Variants in CTNNA3 observed in about 807,000 individuals in gnomAD.
CTNNA3 encodes the protein catenin alpha-3.
CTNNA3 carries 76 observed loss-of-function variants against 95.7 expected under a neutral mutation model. The ratio of observed to expected loss-of-function variants is 0.79; its 90% CI spans 0.66 to 0.96. The LOEUF is 0.96. CTNNA3 is among the 40% of genes least tolerant of loss of function. CTNNA3 has a pLI of 0.00. For missense variants in CTNNA3, 1,191 were observed against 1,089.8 expected, an observed-to-expected ratio of 1.09 and a Z score of -1.31; for synonymous variants, 431 against 374.4, an observed-to-expected ratio of 1.15 and a Z score of -1.74.
At chr10:66,848,406 G>A (rs1172571104) in intron 7 of CTNNA3, among the ~76,000 whole-genome samples, 1 of 152,104 alleles carries the variant, frequency 6.6e-6, no homozygotes, top group Non-Finnish European at 1.5e-5. Context: ...CCTCCCACTT[G>A]TCTGACAGTG....
At chr10:66,664,314 T>C (rs1846366948) in intron 9 of CTNNA3, among the ~76,000 whole-genome samples, 1 of 152,124 alleles carries the variant, frequency 6.6e-6, no homozygotes, top group South Asian at 2.1e-4. Context: ...CAATCAGATT[T>C]ATAGCACTAA....
chr10:66,440,380 GTA>G (rs2093367051), intron 11 of CTNNA3, among the ~76,000 whole-genome samples: 2 of 151,644 alleles, frequency 1.3e-5, no homozygotes, highest in Admixed American at 6.6e-5. Flanking sequence ...GTAATATTTT[GTA>G]TATAAAACCT....
At chr10:66,805,911 T>A (rs1171089962) in intron 7 of CTNNA3, among the ~76,000 whole-genome samples, 1 of 152,094 alleles carries the variant, frequency 6.6e-6, no homozygotes, top group African/African-American at 2.4e-5. Flanking sequence ...CAAGTTCCTG[T>A]GATACAAAAT....
intron 12 of CTNNA3, among the ~76,000 whole-genome samples, chr10:66,293,705 G>A (rs1390755730): frequency 1.5e-5 from 2 of 136,250 alleles, no homozygotes; most frequent in East Asian, 2.1e-4. Context: ...TTATTCTGTC[G>A]CCCAGGCTGG....
intron 1 of CTNNA3, among the ~76,000 whole-genome samples, chr10:67,671,085 T>C (rs1840423082): frequency 6.6e-6 from 1 of 152,188 alleles, no homozygotes; most frequent in Non-Finnish European, 1.5e-5. Context: ...CTCCCTTATC[T>C]TTCTCTGCTA....
At chr10:67,061,869 C>A (rs554927822) in intron 7 of CTNNA3, among the ~76,000 whole-genome samples, 1 of 152,182 alleles carries the variant, frequency 6.6e-6, no homozygotes, top group East Asian at 1.9e-4. Context: ...GATAAAGAAT[C>A]AAGTTATGTT....
At chr10:67,197,330 A>C (rs1414652095) in intron 6 of CTNNA3, among the ~76,000 whole-genome samples, 5 of 152,042 alleles carry the variant, frequency 3.3e-5, no homozygotes, top group African/African-American at 1.2e-4. Context: ...AAGTAATCCC[A>C]ATTGTGCTCT....
At chr10:66,263,160 T>C (rs771076889) in intron 13 of CTNNA3, among the ~76,000 whole-genome samples, 2 of 151,924 alleles carry the variant, frequency 1.3e-5, no homozygotes, top group African/African-American at 2.4e-5. Context: ...AAAGCCATCA[T>C]TGGGGGTAAC....
intron 9 of CTNNA3, among the ~76,000 whole-genome samples, chr10:66,726,346 G>T (rs563301282): frequency 6.6e-6 from 1 of 151,922 alleles, no homozygotes; most frequent in African/African-American, 2.4e-5. Context: ...CCAATATCTC[G>T]CCAACTTATT....
At position 67,219,744 on chromosome 10, in the gene CTNNA3, C is replaced by G. The variant is rs781528718; in HGVS notation, c.706G>C (p.Ala236Pro). ...LEHSDVASLKASKDTVCEEIQ... is the reference protein window; with the variant it reads ...LEHSDVASLKPSKDTVCEEIQ... ...TCTTCACAAACTGTGTCCTTGCTTG[C>G]TTTGAGGGAAGCAACATCAGAATGC... Residue 236 changes from alanine to proline, a missense_variant, in exon 6 of 18, where the codon GCA becomes CCA. Transcript: ENST00000433211. 1.2e-6 allele frequency: 2 copies of G among 1,614,034 alleles called. No individual in the cohort carries two copies. The highest frequency in any genetic ancestry group is 8.5e-7 in the Non-Finnish European group (1 of 1,180,000).
intron 11 of CTNNA3, among the ~76,000 whole-genome samples, chr10:66,479,971 C>CACACAA (rs1839461363): frequency 6.6e-6 from 1 of 151,808 alleles, no homozygotes; most frequent in South Asian, 2.1e-4. Flanking sequence ...CACACACACA[C>CACACAA]ACACACACCC....
At chr10:65,979,876 G>T (rs1237062284) in intron 16 of CTNNA3, among the ~76,000 whole-genome samples, 1 of 151,974 alleles carries the variant, frequency 6.6e-6, no homozygotes, top group Non-Finnish European at 1.5e-5. Context: ...AGAACTTTCT[G>T]TGCATTTATT....
chr10:67,009,503 CAT>C (rs1373938805), intron 7 of CTNNA3, among the ~76,000 whole-genome samples: 1 of 151,842 alleles, frequency 6.6e-6, no homozygotes. Context: ...CTTTGATTCT[CAT>C]AGATATTTTT....
At chr10:67,027,954 T>A (rs1853492587) in intron 7 of CTNNA3, among the ~76,000 whole-genome samples, 1 of 152,192 alleles carries the variant, frequency 6.6e-6, no homozygotes, top group African/African-American at 2.4e-5. Context: ...AAAATCTCCA[T>A]CTGTTTTCTC....
intron 1 of CTNNA3, among the ~76,000 whole-genome samples, chr10:67,683,499 C>G (rs535430337): frequency 2.6e-4 from 39 of 152,318 alleles, no homozygotes; most frequent in Admixed American, 9.8e-4. Context: ...TCTGTGGGCT[C>G]CTCAATGAGC....
intron 12 of CTNNA3, among the ~76,000 whole-genome samples, chr10:66,367,842 G>T (rs1178108856): frequency 7.0e-6 from 1 of 142,928 alleles, no homozygotes; most frequent in African/African-American, 2.6e-5. Flanking sequence ...TCTTTTTAAG[G>T]CTTCTTTTAT....
chr10:66,403,282 T>A (rs1006060796), intron 11 of CTNNA3, among the ~76,000 whole-genome samples: 1 of 152,152 alleles, frequency 6.6e-6, no homozygotes. Flanking sequence ...TCTATCACTA[T>A]CCTGGTGTAG....
chr10:67,514,770 T>C (rs1380950826), intron 5 of CTNNA3, among the ~76,000 whole-genome samples: 1 of 151,914 alleles, frequency 6.6e-6, no homozygotes, highest in East Asian at 1.9e-4. Context: ...TTGTAAATTT[T>C]GAAACAACCC....
intron 12 of CTNNA3, among the ~76,000 whole-genome samples, chr10:66,281,167 T>A (rs895034629): frequency 6.6e-6 from 1 of 151,832 alleles, no homozygotes; most frequent in African/African-American, 2.4e-5. Context: ...ATAAAAAAAA[T>A]TAGTGAAAAG....
Sources: gnomAD v4.1 joint callset for allele counts (sites outside exome capture counted in the v4.1 genomes callset) on GRCh38, gnomAD v4.1.1 for gene constraint, MANE v1.5 for transcripts, NCBI Gene and HGNC (gene_info 2026-07-23, HGNC 2026-07-21) for gene names.